RB1CC1: variants seen among roughly 807,000 people sequenced by gnomAD.
The protein encoded by RB1CC1 is RB1 inducible coiled-coil 1, also known as RB1-inducible coiled-coil protein 1.
In RB1CC1, 46 loss-of-function variants were observed where a neutral mutation model predicts 177.5. The observed-to-expected ratio is 0.26, with a 90% CI of 0.20 to 0.33. The LOEUF (loss-of-function observed/expected upper bound fraction) is 0.33, where lower values mean the gene tolerates loss of function less well. Among genes scored for constraint, RB1CC1 ranks in the 10% least tolerant of loss-of-function variants. The pLI, the probability that RB1CC1 is intolerant of heterozygous loss-of-function variation, is 1.00. For synonymous variants in RB1CC1, 666 were observed against 613.6 expected (o/e 1.09, Z -1.26); for missense variants, 1,703 against 1,816.3 (o/e 0.94, Z 1.13).
chr8:52,657,570 A>G lies in RB1CC1; in HGVS notation c.2259T>C (p.Asp753=). 1 of 1,614,054 alleles carries G rather than the reference A, an allele frequency of 6.2e-7. No homozygotes were observed. The highest frequency in any genetic ancestry group is 8.5e-7 in the Non-Finnish European group (1 of 1,180,006). Residue 753 remains aspartate (D), a synonymous_variant, in exon 15 of 24, where the codon GAT becomes GAC. Transcript: ENST00000025008. ...ENLSSPNPIS[D]PQSPEMMVES... is the part of the protein sequence containing the mutation. ...CCACCATCATTTCTGGGCTTTGTGG[A>G]TCACTTATAGGATTAGGAGACGACA...
At chr8:52,686,771 G>T (rs1854309167) in intron 2 of RB1CC1, 82 bp downstream of exon 2, 2 of 327,270 alleles carry the variant, frequency 6.1e-6, no homozygotes, top group Admixed American at 8.5e-5. Flanking sequence ...AGCAAATAAG[G>T]TTTTAAAATT....
rs1849970933 is a variant in RB1CC1, at chr8:52,645,832, C to G, written c.3857G>C (p.Ser1286Thr). Residue 1286 changes from serine to threonine, a missense_variant, in exon 16 of 24, where the codon AGC (serine) becomes ACC (threonine). Coordinates refer to ENST00000025008, the MANE Select transcript of RB1CC1 (RefSeq NM_014781.5). Reference protein sequence around the residue: ...AIDSTRGDSSSLVAELQEKLQ... With the variant: ...AIDSTRGDSSTLVAELQEKLQ... ...CTTTTCTTGAAGTTCAGCAACTAAG[C>G]TTGAAGAATCTCCTCTGGTAGAGTC... 6.2e-7 allele frequency: 1 copy of G among 1,609,446 alleles called. No individual in the cohort carries two copies. Among genetic ancestry groups the G allele is most frequent in the Non-Finnish European group, 8.5e-7 (1 of 1,178,904 alleles).
chr8:52,677,161 T>C (rs1563425766), intron 5 of RB1CC1, among the ~76,000 whole-genome samples: 1 of 152,178 alleles, frequency 6.6e-6, no homozygotes. Flanking sequence ...AAGTCCACTG[T>C]TATAAAATAT....
chr8:52,635,949 T>G, intron 19 of RB1CC1, 66 bp downstream of exon 19: 1 of 1,551,366 alleles, frequency 6.4e-7, no homozygotes, highest in Non-Finnish European at 8.7e-7. Flanking sequence ...GTTTCCAGAA[T>G]GAAGTTTAAC....
chr8:52,686,562 GAAAA>G (rs1037246894), intron 2 of RB1CC1, among the ~76,000 whole-genome samples: 1 of 151,608 alleles, frequency 6.6e-6, no homozygotes, highest in Non-Finnish European at 1.5e-5. Flanking sequence ...AAAAGAGAAA[GAAAA>G]AAAACTTAAA....
At chr8:52,692,985 C>T (rs1855039619) in intron 1 of RB1CC1, among the ~76,000 whole-genome samples, 1 of 152,192 alleles carries the variant, frequency 6.6e-6, no homozygotes, top group Admixed American at 6.5e-5. Flanking sequence ...CTACAACCAC[C>T]TGATCTTCCA....
intron 13 of RB1CC1, 55 bp from the exon 14 acceptor site, chr8:52,658,179 A>T (rs1851249326): frequency 1.3e-6 from 2 of 1,511,580 alleles, no homozygotes; most frequent in Non-Finnish European, 1.8e-6. Context: ...ACTAGTAGAT[A>T]ACTGCTACCA....
intron 6 of RB1CC1, among the ~76,000 whole-genome samples, chr8:52,675,672 C>T (rs1208259642): frequency 1.4e-5 from 2 of 144,300 alleles, no homozygotes; most frequent in Non-Finnish European, 3.0e-5. Context: ...AGATCGAGAC[C>T]ATCCTGCCTA....
intron 1 of RB1CC1, among the ~76,000 whole-genome samples, chr8:52,704,959 T>TA (rs1856422607): frequency 6.6e-6 from 1 of 152,164 alleles, no homozygotes; most frequent in Non-Finnish European, 1.5e-5. Flanking sequence ...ACAAGCCAAT[T>TA]CTAAATTAAA....
intron 1 of RB1CC1, among the ~76,000 whole-genome samples, chr8:52,689,543 T>C (rs1854616289): frequency 6.6e-6 from 1 of 152,210 alleles, no homozygotes; most frequent in Non-Finnish European, 1.5e-5. Context: ...TACCACTTTG[T>C]ATTCATTATA....
intron 22 of RB1CC1, among the ~76,000 whole-genome samples, chr8:52,627,239 C>T (rs1010701283): frequency 1.3e-5 from 2 of 152,016 alleles, no homozygotes; most frequent in Non-Finnish European, 2.9e-5. Flanking sequence ...TCCAGCTACT[C>T]GGGAAGCTGA....
chr8:52,627,813 A>T (rs897653029), intron 22 of RB1CC1, among the ~76,000 whole-genome samples: 1 of 152,190 alleles, frequency 6.6e-6, no homozygotes, highest in Non-Finnish European at 1.5e-5. Context: ...GCACATTCTG[A>T]TCAACTGGTC....
At chr8:52,711,842 A>G (rs1271842394) in intron 1 of RB1CC1, among the ~76,000 whole-genome samples, 4 of 152,202 alleles carry the variant, frequency 2.6e-5, no homozygotes, top group Admixed American at 2.6e-4. Flanking sequence ...TGCCATGTAT[A>G]TCAGAGCCTT....
At chr8:52,660,377 G>A (rs1473796463) in intron 12 of RB1CC1, among the ~76,000 whole-genome samples, 1 of 152,122 alleles carries the variant, frequency 6.6e-6, no homozygotes, top group Admixed American at 6.6e-5. Flanking sequence ...GCAGTATAAG[G>A]TATCTTCCTG....
intron 1 of RB1CC1, among the ~76,000 whole-genome samples, chr8:52,699,111 C>T (rs1053587269): frequency 6.6e-6 from 1 of 152,104 alleles, no homozygotes; most frequent in African/African-American, 2.4e-5. Context: ...TGGTAATACT[C>T]CAGTAAAACA....
intron 22 of RB1CC1, among the ~76,000 whole-genome samples, chr8:52,627,438 A>G (rs1848475700): frequency 1.3e-5 from 2 of 152,314 alleles, no homozygotes; most frequent in Middle Eastern, 3.4e-3. Context: ...ATCTAAATGG[A>G]CTTACTTCGT....
At chr8:52,661,448 T>G (rs1226141844) in intron 9 of RB1CC1, 87 bp downstream of exon 9, 21 of 1,461,320 alleles carry the variant, frequency 1.4e-5, no homozygotes, top group Non-Finnish European at 1.9e-5. Context: ...AATAAAATGG[T>G]AGGGAAAAAT....
At chr8:52,645,152 G>T (rs899080090) in intron 16 of RB1CC1, among the ~76,000 whole-genome samples, 1 of 152,076 alleles carries the variant, frequency 6.6e-6, no homozygotes, top group Non-Finnish European at 1.5e-5. Context: ...ACCAACAACA[G>T]TAAGTACATT....
Position 52,660,606 on chromosome 8 carries a change from G to A in RB1CC1, c.1679C>T (p.Pro560Leu). 6.3e-7 allele frequency: 1 copy of A among 1,585,860 alleles called. No individual in the cohort carries two copies. Among genetic ancestry groups the A allele is most frequent in the Non-Finnish European group, 8.5e-7 (1 of 1,170,724 alleles). Residue 560 changes from proline to leucine, a missense_variant, in exon 12 of 24, where the codon CCT (proline) becomes CTT (leucine). Around this residue, in one of 6 missense-constraint regions of RB1CC1, gnomAD observed 1,169 missense variants for 1,184.7 expected, o/e 0.99. Transcript: ENST00000025008. ...RLFRGLDSWPPSFCTQKPRKF... is the reference protein window; with the variant it reads ...RLFRGLDSWPLSFCTQKPRKF... ...AAAATAAATACATACACAAAAGGAA[G>A]GGGGCCAGGAGTCCAGTCCCCTAAA...
Sources: gnomAD v4.1 joint callset for allele counts (sites outside exome capture counted in the v4.1 genomes callset) on GRCh38, gnomAD v4.1.1 for gene constraint, gnomAD v4.1.1 regional missense constraint, MANE v1.5 for transcripts, NCBI Gene and HGNC (gene_info 2026-07-23, HGNC 2026-07-21) for gene names.